SRRM4: variants seen among roughly 807,000 people sequenced by gnomAD.
SRRM4 encodes the protein serine/arginine repetitive matrix 4.
Under a neutral mutation model 68.9 loss-of-function variants are expected in SRRM4, and 33 were observed. That is an observed-to-expected ratio of 0.48 (90% CI 0.36 to 0.64). SRRM4 has a LOEUF of 0.64. SRRM4 is among the 30% of genes least tolerant of loss of function. SRRM4 has a pLI of 0.00. For synonymous variants in SRRM4, 318 were observed against 318.8 expected (o/e 1.00, Z 0.03); for missense variants, 817 against 827.1 (o/e 0.99, Z 0.15).
At chr12:119,115,006 A>C (rs1288620800) in intron 3 of SRRM4, among the ~76,000 whole-genome samples, 3 of 151,226 alleles carry the variant, frequency 2.0e-5, no homozygotes, top group Admixed American at 1.3e-4. Flanking sequence ...ATTTTTTGAG[A>C]GCTTACTAGA....
At chr12:119,023,730 C>A (rs1386331836) in intron 1 of SRRM4, among the ~76,000 whole-genome samples, 1 of 152,226 alleles carries the variant, frequency 6.6e-6, no homozygotes, top group Non-Finnish European at 1.5e-5. Context: ...TGGTCACTGC[C>A]TCCACCTTCT....
At chr12:119,083,242 A>G (rs551818638) in intron 1 of SRRM4, among the ~76,000 whole-genome samples, 1 of 151,808 alleles carries the variant, frequency 6.6e-6, no homozygotes, top group African/African-American at 2.4e-5. Flanking sequence ...AACTCATGGG[A>G]CCTGCGACTC....
intron 1 of SRRM4, 104 bp from the exon 2 acceptor site, chr12:119,102,132 T>C: frequency 8.3e-7 from 1 of 1,198,068 alleles, no homozygotes; most frequent in Non-Finnish European, 1.2e-6. Context: ...TCAACCTAAC[T>C]GTAAGGGAAG....
At chr12:119,049,864 C>T (rs910686450) in intron 1 of SRRM4, among the ~76,000 whole-genome samples, 4 of 152,118 alleles carry the variant, frequency 2.6e-5, no homozygotes, top group African/African-American at 7.2e-5. Flanking sequence ...TGGATTAGGG[C>T]CCACCCATAG....
intron 2 of SRRM4, among the ~76,000 whole-genome samples, chr12:119,113,418 A>T (rs1954156891): frequency 6.6e-6 from 1 of 152,362 alleles, no homozygotes; most frequent in African/African-American, 2.4e-5. Flanking sequence ...CAAGTTAATT[A>T]ACCTTTCTGA....
intron 1 of SRRM4, among the ~76,000 whole-genome samples, chr12:119,017,510 G>A (rs1953489259): frequency 6.6e-6 from 1 of 152,224 alleles, no homozygotes; most frequent in Non-Finnish European, 1.5e-5. Flanking sequence ...CATTCCCTGG[G>A]CTGAGGAAGA....
At chr12:119,088,964 C>T (rs1309448564) in intron 1 of SRRM4, among the ~76,000 whole-genome samples, 1 of 152,170 alleles carries the variant, frequency 6.6e-6, no homozygotes, top group East Asian at 1.9e-4. Context: ...CTATCGTTAT[C>T]CCAGTTTTGC....
chr12:118,996,984 A>T (rs940477090), intron 1 of SRRM4, among the ~76,000 whole-genome samples: 1 of 152,220 alleles, frequency 6.6e-6, no homozygotes, highest in African/African-American at 2.4e-5. Flanking sequence ...TGAATGAGGC[A>T]GGGGTGGAGT....
chr12:119,080,145 A>G (rs978675668), intron 1 of SRRM4, among the ~76,000 whole-genome samples: 6 of 151,910 alleles, frequency 3.9e-5, no homozygotes, highest in Non-Finnish European at 4.4e-5. Context: ...AGGTGTCGGG[A>G]TCTCTGGGAC....
chr12:119,101,022 C>T (rs1199606638), intron 1 of SRRM4, among the ~76,000 whole-genome samples: 2 of 152,170 alleles, frequency 1.3e-5, no homozygotes, highest in Non-Finnish European at 2.9e-5. Flanking sequence ...GCCCTTCCTT[C>T]AATATTGACT....
intron 1 of SRRM4, among the ~76,000 whole-genome samples, chr12:119,048,126 C>A (rs1345445404): frequency 1.3e-5 from 2 of 152,278 alleles, no homozygotes; most frequent in African/African-American, 2.4e-5. Flanking sequence ...AGAATTAGAA[C>A]CCCTGTTTTA....
In SRRM4 at chr12:119,154,284, G is replaced by A. The variant is rs750601249; in HGVS notation, c.1433G>A (p.Arg478Gln). The stretch of plus-strand genomic sequence containing the variant: ...TACAGTGAGAAGGACTCGCAGCAGC[G>A]GGAGCGCGAGCGAGCGCGTCGGAGA... Reference protein sequence around the residue: ...PKYSEKDSQQRERERARRRRR... With the variant: ...PKYSEKDSQQQERERARRRRR... Residue 478 changes from arginine (R) to glutamine (Q), a missense_variant, in exon 12 of 13, where the codon CGG (arginine) becomes CAG (glutamine). By Grantham distance (43) the Arg-to-Gln change is conservative. Transcript: ENST00000267260. The surrounding 1 kb of genome is among the most constrained non-coding windows in gnomAD (Gnocchi z 4.7). The A allele has an allele frequency of 6.2e-7, 1 of 1,610,710 alleles. No individual in the cohort carries two copies. Among genetic ancestry groups the A allele is most frequent in the Non-Finnish European group, 8.5e-7 (1 of 1,178,624 alleles).
intron 8 of SRRM4, among the ~76,000 whole-genome samples, chr12:119,133,368 T>C (rs1287186365): frequency 6.6e-6 from 1 of 152,152 alleles, no homozygotes; most frequent in Non-Finnish European, 1.5e-5. Flanking sequence ...GTAGTAGCAG[T>C]GGTAATAGCA....
intron 1 of SRRM4, among the ~76,000 whole-genome samples, chr12:119,063,481 G>A (rs1953826867): frequency 6.6e-6 from 1 of 152,130 alleles, no homozygotes; most frequent in Non-Finnish European, 1.5e-5. Flanking sequence ...CTAAGACAGA[G>A]GAAAGGGGGA....
chr12:118,996,114 T>G (rs1379804541), intron 1 of SRRM4, among the ~76,000 whole-genome samples: 2 of 152,226 alleles, frequency 1.3e-5, no homozygotes, highest in Non-Finnish European at 2.9e-5. Context: ...TAAAGTGAGA[T>G]TTATTTATTT....
intron 1 of SRRM4, among the ~76,000 whole-genome samples, chr12:119,088,270 G>T (rs1347239301): frequency 1.3e-5 from 2 of 152,088 alleles, no homozygotes; most frequent in African/African-American, 4.8e-5. Context: ...CCTGGAATTG[G>T]ACAGCTTCAT....
In SRRM4 at chr12:119,125,424, C is replaced by T. The variant is rs201423492; in HGVS notation, c.559C>T (p.Arg187Cys). The T allele has an allele frequency of 1.2e-5, 20 of 1,613,588 alleles. No homozygotes were observed. The highest frequency in any genetic ancestry group is 1.6e-5 in the Non-Finnish European group (19 of 1,179,790). ...AAAGTCTCACCGCCACCGCCATCAC[C>T]GCTGCCCCTCGCGGTCCCAGAGCTC... ...PRKSHRHRHH[R>C]CPSRSQSSES... is the part of the protein sequence containing the mutation. The change falls in exon 7 of 13, where the codon CGC (arginine) becomes TGC (cysteine). Residue 187 changes from arginine to cysteine, a missense_variant. Coordinates refer to ENST00000267260, the MANE Select transcript of SRRM4 (RefSeq NM_194286.4).
intron 9 of SRRM4, among the ~76,000 whole-genome samples, chr12:119,150,531 T>A (rs543410521): frequency 6.6e-6 from 1 of 152,206 alleles, no homozygotes; most frequent in Admixed American, 6.5e-5. Flanking sequence ...ATGGATTTAA[T>A]CCTACTAGTT....
intron 9 of SRRM4, among the ~76,000 whole-genome samples, chr12:119,150,088 C>T (rs569662590): frequency 1.5e-4 from 23 of 152,284 alleles, no homozygotes; most frequent in African/African-American, 5.5e-4. Context: ...TATCCATGTA[C>T]TACTGATATT....
Sources: allele counts gnomAD v4.1 joint callset (sites outside exome capture counted in the v4.1 genomes callset), GRCh38; gene constraint gnomAD v4.1.1; non-coding constraint Gnocchi (gnomAD v3.1); transcripts MANE v1.5; gene names NCBI Gene and HGNC (gene_info 2026-07-23, HGNC 2026-07-21).